MAGI2: variants seen among roughly 807,000 people sequenced by gnomAD.
The protein encoded by MAGI2 is membrane-associated guanylate kinase, WW and PDZ domain-containing protein 2.
MAGI2 carries 35 observed loss-of-function variants against 133.3 expected under a neutral mutation model. The ratio of observed to expected loss-of-function variants is 0.26; its 90% CI spans 0.20 to 0.35. MAGI2 has a LOEUF of 0.35. Ranked by LOEUF, MAGI2 falls within the 10% of genes least tolerant of loss-of-function variation. The probability of loss-of-function intolerance (pLI) is 1.00; values close to 1 mark genes in which losing one functional copy is unlikely to be tolerated. For missense variants in MAGI2, 1,636 were observed against 1,863.4 expected (o/e 0.88, Z 2.25); for synonymous variants, 729 against 710.6 (o/e 1.03, Z -0.41).
chr7:78,170,930 G>A (rs979500703), intron 14 of MAGI2: 9 of 152,156 alleles, frequency 5.9e-5, no homozygotes, highest in African/African-American at 2.2e-4. Flanking sequence ...GGTGTGCCGT[G>A]TGGTTGCTAG....
intron 1 of MAGI2, among the ~76,000 whole-genome samples, chr7:79,101,638 G>A (rs1202891383): frequency 6.6e-6 from 1 of 151,328 alleles, no homozygotes; most frequent in African/African-American, 2.4e-5. Context: ...GCAGGAGAAT[G>A]GCGGGAACCC....
chr7:78,634,059 C>T (rs1195190093), intron 2 of MAGI2, among the ~76,000 whole-genome samples: 5 of 152,166 alleles, frequency 3.3e-5, no homozygotes, highest in African/African-American at 1.2e-4. Flanking sequence ...CACTTAACTT[C>T]ACTCAGGCTA....
At chr7:79,218,125 T>A (rs1003648960) in intron 1 of MAGI2, among the ~76,000 whole-genome samples, 4 of 152,006 alleles carry the variant, frequency 2.6e-5, no homozygotes, top group African/African-American at 9.7e-5. Context: ...GTGGCTATAC[T>A]ACAGAATTTT....
At chr7:78,751,517 A>G (rs1823457924) in intron 2 of MAGI2, among the ~76,000 whole-genome samples, 1 of 152,242 alleles carries the variant, frequency 6.6e-6, no homozygotes, top group Non-Finnish European at 1.5e-5. Flanking sequence ...TTTAGCAATT[A>G]CAATTTAATG....
rs188133016 is a variant in MAGI2 at position 78,294,096 on chromosome 7, C to A, written c.1409-37515G>T. Among the ~76,000 whole-genome samples, 5 of 152,034 alleles carry A rather than the reference C, an allele frequency of 3.3e-5. No homozygotes were observed. In the East Asian group the frequency reaches 9.7e-4, roughly 29 times the overall value. On this transcript the variant is annotated intron_variant, in intron 9 of 21. Transcript: ENST00000354212. ...GTATAATAAAAAAATATATATAATT[C>A]TTTAGGAAATACTTGCCATTTTCTT...
At chr7:78,456,739 C>A (rs2151496699) in intron 6 of MAGI2, among the ~76,000 whole-genome samples, 1 of 152,146 alleles carries the variant, frequency 6.6e-6, no homozygotes, top group Non-Finnish European at 1.5e-5. Flanking sequence ...GGAAAATCTT[C>A]TAGGAAGACA....
intron 2 of MAGI2, among the ~76,000 whole-genome samples, chr7:78,667,457 G>A (rs1200232162): frequency 6.6e-6 from 1 of 150,738 alleles, no homozygotes; most frequent in African/African-American, 2.4e-5. Context: ...AGTTACATAT[G>A]TATATATGTG....
At chr7:78,484,745 A>C (rs997977745) in intron 6 of MAGI2, 2 of 152,010 alleles carry the variant, frequency 1.3e-5, no homozygotes, top group Non-Finnish European at 2.9e-5. Flanking sequence ...CCTGAAGGAA[A>C]GAAAATGAGC....
At chr7:78,327,665 T>C (rs1393770496) in intron 9 of MAGI2, among the ~76,000 whole-genome samples, 1 of 152,160 alleles carries the variant, frequency 6.6e-6, no homozygotes, top group Admixed American at 6.5e-5. Context: ...GTCAATTCTA[T>C]GAAAAATACC....
intron 3 of MAGI2, among the ~76,000 whole-genome samples, chr7:78,588,588 G>T (rs1294028014): frequency 6.6e-6 from 1 of 152,284 alleles, no homozygotes; most frequent in East Asian, 1.9e-4. Context: ...AGAGGACTGT[G>T]GGCTTGGTGC....
intron 3 of MAGI2, among the ~76,000 whole-genome samples, chr7:78,551,667 G>T (rs185092821): frequency 6.6e-6 from 1 of 152,336 alleles, no homozygotes; most frequent in Admixed American, 6.5e-5. Context: ...TCATCCAGCT[G>T]TTGTGCTTGA....
chr7:78,160,035 T>A lies in MAGI2; in HGVS notation c.2835A>T (p.Gly945=). 6.4e-7 allele frequency: 1 copy of A among 1,570,274 alleles called. No individual in the cohort carries two copies. The highest frequency in any genetic ancestry group is 1.2e-5 in the South Asian group (1 of 83,472). The part of the protein sequence containing the change: ...IISSLNRPES[G]STITVPHKIG... ...AATTTCAGCACTTACTTATAGTGGATCCAGACTCAGGCCTGTTCAGGGAGC... is the reference window on the plus strand; with the variant it reads ...AATTTCAGCACTTACTTATAGTGGAACCAGACTCAGGCCTGTTCAGGGAGC... Residue 945 remains glycine (G), a synonymous_variant, in exon 16 of 22, where the codon GGA becomes GGT. Transcript: ENST00000354212.
chr7:78,780,208 GTA>G (rs1388114220), intron 2 of MAGI2, among the ~76,000 whole-genome samples: 10 of 152,180 alleles, frequency 6.6e-5, no homozygotes, highest in African/African-American at 2.4e-4. Context: ...TTTTTGTAGA[GTA>G]AATATGCCCA....
At chr7:78,975,706 A>G (rs1199893857) in intron 2 of MAGI2, among the ~76,000 whole-genome samples, 1 of 151,694 alleles carries the variant, frequency 6.6e-6, no homozygotes, top group Non-Finnish European at 1.5e-5. Flanking sequence ...GGAAAATAAT[A>G]GAGAAAATCA....
chr7:78,808,361 A>G (rs1456243673), intron 2 of MAGI2, among the ~76,000 whole-genome samples: 1 of 152,022 alleles, frequency 6.6e-6, no homozygotes, highest in African/African-American at 2.4e-5. Flanking sequence ...AGTTCAAGCA[A>G]TTCTCCTGCC....
intron 21 of MAGI2, among the ~76,000 whole-genome samples, chr7:78,038,730 GA>G (rs747612028): frequency 3.1e-4 from 47 of 152,314 alleles, no homozygotes; most frequent in Admixed American, 4.6e-4. Flanking sequence ...TGAAGTTGAG[GA>G]AAGAAAGAAG....
chr7:78,183,018 C>T (rs916145522), intron 13 of MAGI2, among the ~76,000 whole-genome samples: 1 of 152,120 alleles, frequency 6.6e-6, no homozygotes, highest in African/African-American at 2.4e-5. Context: ...TCTCCTAGTC[C>T]CAATGAACCA....
In MAGI2 at chr7:78,875,652, A is replaced by G. The variant is rs561368745; in HGVS notation, c.418+131438T>C. ...TGACAAAACAGCACATATTGCCACT[A>G]TATTATATAAAATGACCAATTTCAA... On this transcript the variant is annotated intron_variant, in intron 2 of 21. Transcript: ENST00000354212. Among the ~76,000 whole-genome samples the G allele has an allele frequency of 2.0e-5, 3 of 152,316 alleles. No homozygotes were observed. In the East Asian group the frequency reaches 5.8e-4, roughly 29 times the overall value.
chr7:79,040,607 T>G (rs1178423315), intron 1 of MAGI2, among the ~76,000 whole-genome samples: 4 of 151,882 alleles, frequency 2.6e-5, no homozygotes, highest in Non-Finnish European at 5.9e-5. Context: ...AATCCCCACA[T>G]GTCAAGGGTA....
Sources: gnomAD v4.1 joint callset for allele counts (sites outside exome capture counted in the v4.1 genomes callset) on GRCh38, gnomAD v4.1.1 for gene constraint, MANE v1.5 for transcripts, NCBI Gene and HGNC (gene_info 2026-07-23, HGNC 2026-07-21) for gene names.